The following KLHL10 variants were observed in gnomAD, a reference collection of about 807,000 sequenced individuals.
The protein encoded by KLHL10 is kelch like family member 10.
Under a neutral mutation model 46.6 loss-of-function variants are expected in KLHL10, and 11 were observed. The ratio of observed to expected loss-of-function variants is 0.24; its 90% confidence interval spans 0.15 to 0.39. KLHL10 has a LOEUF of 0.39. Among genes scored for constraint, KLHL10 ranks in the 10% least tolerant of loss-of-function variants. The pLI is 1.00. For synonymous variants in KLHL10, 254 were observed against 279.1 expected (o/e 0.91, Z 0.90); for missense variants, 475 against 789.8 (o/e 0.60, Z 4.78).
chr17:41,842,144 G>A lies in KLHL10; in HGVS notation c.516G>A (p.Val172=), dbSNP rs200355741. Reference sequence around the variant, plus strand: ...TACTGCACAACTTTGAGGAGATGGTGAAAGTCTCGGCAGAATTTTTAGAGC... The same window carrying A: ...TACTGCACAACTTTGAGGAGATGGTAAAAGTCTCGGCAGAATTTTTAGAGC... The part of the protein sequence containing the change: ...MFILHNFEEM[V]KVSAEFLELS... Residue 172 remains valine (V), a synonymous_variant, in exon 2 of 5, where the codon GTG becomes GTA. Coordinates refer to ENST00000293303, the MANE Select transcript of KLHL10 (RefSeq NM_152467.5). 6.8e-6 allele frequency: 11 copies of A among 1,614,178 alleles called. No homozygotes were observed. Among genetic ancestry groups the A allele is most frequent in the Non-Finnish European group, 8.5e-6 (10 of 1,180,040 alleles).
upstream of KLHL10, chr17:41,836,286 G>A (rs2048158652): frequency 8.6e-7 from 1 of 1,165,346 alleles, no homozygotes; most frequent in Admixed American, 4.3e-5. Flanking sequence ...CCCGGGCGGG[G>A]GTTGGTGGGG....
In KLHL10 at chr17:41,845,234, G is replaced by A. The variant is rs782042390; in HGVS notation, c.793G>A (p.Ala265Thr). ...ACCAGTCATCATTAATGCCCTAAAG[G>A]CCATGTATGACCTCAACATGAATGG... ...CKPVIINALKAMYDLNMNGPS... is the reference protein window; with the variant it reads ...CKPVIINALKTMYDLNMNGPS... Residue 265 changes from alanine (A) to threonine (T), a missense_variant, in exon 3 of 5, where the codon GCC (alanine) becomes ACC (threonine). By Grantham distance (58) the Ala-to-Thr change is moderately conservative. Transcript: ENST00000293303. The A allele has an allele frequency of 6.2e-7, 1 of 1,614,190 alleles. No individual in the cohort carries two copies. Among genetic ancestry groups the A allele is most frequent in the Non-Finnish European group, 8.5e-7 (1 of 1,180,040 alleles).
At chr17:41,836,304 C>CGGGGCG (rs1278846701), upstream of KLHL10, 1 of 682,686 alleles carries the variant, frequency 1.5e-6, no homozygotes, top group Non-Finnish European at 1.8e-6. Context: ...GGGCCGGGGG[C>CGGGGCG]GGGGCGGGGG....
intron 3 of KLHL10, 130 bp downstream of exon 3, chr17:41,845,873 T>C (rs2048279035): frequency 8.4e-7 from 1 of 1,191,334 alleles, no homozygotes; most frequent in Admixed American, 2.0e-5. Context: ...CTTTCTTCAA[T>C]TGACAAGGTG....
chr17:41,847,717 A>G (rs1261066574), intron 4 of KLHL10, among the ~76,000 whole-genome samples: 1 of 152,120 alleles, frequency 6.6e-6, no homozygotes, highest in Non-Finnish European at 1.5e-5. Context: ...GTGTTAGCCC[A>G]GATGGTCTCG....
chr17:41,846,975 C>T (rs1401227081), intron 3 of KLHL10, among the ~76,000 whole-genome samples: 2 of 151,834 alleles, frequency 1.3e-5, no homozygotes, highest in African/African-American at 2.4e-5. Context: ...ATTAGCGGAG[C>T]GTGGCAGTGT....
At chr17:41,841,564 C>T (rs1367923666) in intron 1 of KLHL10, among the ~76,000 whole-genome samples, 4 of 152,202 alleles carry the variant, frequency 2.6e-5, no homozygotes, top group Non-Finnish European at 4.4e-5. Context: ...CCACCCGCTT[C>T]GGCCTCCCAA....
At chr17:41,844,235 T>C (rs2144133370) in intron 2 of KLHL10, among the ~76,000 whole-genome samples, 1 of 151,244 alleles carries the variant, frequency 6.6e-6, no homozygotes, top group East Asian at 2.0e-4. Flanking sequence ...AATTTTTTTT[T>C]TTTCTTTTTT....
intron 4 of KLHL10, 37 bp downstream of exon 4, chr17:41,847,447 C>G (rs781962698): frequency 1.2e-6 from 2 of 1,611,404 alleles, no homozygotes; most frequent in Admixed American, 3.3e-5. Flanking sequence ...ACAAAAAACA[C>G]ATTACCCCTA....
At chr17:41,842,948 G>GA (rs1157801790) in intron 2 of KLHL10, among the ~76,000 whole-genome samples, 6 of 147,794 alleles carry the variant, frequency 4.1e-5, no homozygotes, top group Non-Finnish European at 9.0e-5. Flanking sequence ...AAAAAAAAAA[G>GA]AAAAAAAAAT....
intron 2 of KLHL10, among the ~76,000 whole-genome samples, chr17:41,843,307 G>A (rs1164912518): frequency 6.6e-6 from 1 of 151,578 alleles, no homozygotes; most frequent in Non-Finnish European, 1.5e-5. Flanking sequence ...AGGAGTTCGA[G>A]ACCAGCCTGG....
At chr17:41,844,535 T>C (rs1597938220) in intron 2 of KLHL10, among the ~76,000 whole-genome samples, 1 of 92,156 alleles carries the variant, frequency 1.1e-5, no homozygotes, top group African/African-American at 4.0e-5. Context: ...CTCAGCCTGG[T>C]TTTTGTATTT....
Position 41,845,618 on chromosome 17 carries a change from G to C in KLHL10, c.1177G>C (p.Gly393Arg). The change falls in exon 3 of 5, where the codon GGA becomes CGA. Residue 393 changes from glycine (G) to arginine (R), a missense_variant. Coordinates refer to ENST00000293303, the MANE Select transcript of KLHL10 (RefSeq NM_152467.5). The part of the protein sequence containing the change: ...VLGNFIYAMG[G>R]FDGYVRLNTA... ...CGGCAATTTTATTTATGCCATGGGA[G>C]GATTTGATGGCTACGTGCGTCTAAA... is the stretch of plus-strand genomic sequence containing the variant. 1 of 1,613,950 alleles carries C rather than the reference G, an allele frequency of 6.2e-7. No individual in the cohort carries two copies. Among genetic ancestry groups the C allele is most frequent in the Non-Finnish European group, 8.5e-7 (1 of 1,179,846 alleles).
chr17:41,841,785 A>G, intron 1 of KLHL10, 38 bp from the exon 2 acceptor site: 1 of 1,614,018 alleles, frequency 6.2e-7, no homozygotes, highest in Non-Finnish European at 8.5e-7. Context: ...ACAGGAGAGA[A>G]ATGTTTCCGT....
In KLHL10 at chr17:41,841,828, T is replaced by G; in HGVS notation, c.200T>G (p.Leu67Trp). The change falls in exon 2 of 5, where the codon TTG becomes TGG. Residue 67 changes from leucine (L) to tryptophan (W), a missense_variant. Physicochemically the swap from Leu to Trp is moderately conservative, Grantham distance 61. Coordinates refer to ENST00000293303, the MANE Select transcript of KLHL10 (RefSeq NM_152467.5). Reference sequence around the variant, plus strand: ...AGTTTCTTTCTTTTTTCCAGAGCTTTGTTTACAAGTGGCTGGAACAACACT... The same window carrying G: ...AGTTTCTTTCTTTTTTCCAGAGCTTGGTTTACAAGTGGCTGGAACAACACT... ...LCSCSSYFRA[L>W]FTSGWNNTEK... 6.2e-7 allele frequency: 1 copy of G among 1,614,164 alleles called. No individual in the cohort carries two copies. Among genetic ancestry groups the G allele is most frequent in the East Asian group, 2.2e-5 (1 of 44,886 alleles).
At chr17:41,839,794 C>A (rs1446013549) in intron 1 of KLHL10, among the ~76,000 whole-genome samples, 1 of 152,190 alleles carries the variant, frequency 6.6e-6, no homozygotes, top group Non-Finnish European at 1.5e-5. Context: ...CTCACTGCAA[C>A]CTCCACCTCT....
upstream of KLHL10, chr17:41,836,383 AACTGGAGGAGGGTTCTATTTATTATGAAG>A (rs2048160418): frequency 8.2e-7 from 1 of 1,224,206 alleles, no homozygotes; most frequent in Non-Finnish European, 1.0e-6. Context: ...GCGCTAGGCA[AACTGGAGGAGGGTTCTATTTATTATGAAG>A]AGCAGGGTGA....
At chr17:41,841,411 T>C (rs2048225095) in intron 1 of KLHL10, among the ~76,000 whole-genome samples, 1 of 152,076 alleles carries the variant, frequency 6.6e-6, no homozygotes, top group Non-Finnish European at 1.5e-5. Context: ...GCCTCCCAGG[T>C]TTAAGCGATT....
At chr17:41,841,132 C>T (rs1208226330) in intron 1 of KLHL10, among the ~76,000 whole-genome samples, 6 of 150,772 alleles carry the variant, frequency 4.0e-5, no homozygotes, top group African/African-American at 1.5e-4. Flanking sequence ...AGAGCAAGAC[C>T]CTGTTTCCAA....
Sources: allele counts gnomAD v4.1 joint callset (sites outside exome capture counted in the v4.1 genomes callset), GRCh38; gene constraint gnomAD v4.1.1; transcripts MANE v1.5; gene names NCBI Gene and HGNC (gene_info 2026-07-23, HGNC 2026-07-21).